Variants in TOX3 observed in about 807,000 individuals in gnomAD.
The protein encoded by TOX3 is CAG trinucleotide repeat-containing gene F9 protein.
In TOX3, 22 loss-of-function variants were observed where a neutral mutation model predicts 64.3. That is an observed-to-expected ratio of 0.34 (90% CI 0.24 to 0.49). TOX3 has a LOEUF of 0.49. TOX3 is among the 20% of genes least tolerant of loss of function. The pLI, the probability that TOX3 is intolerant of heterozygous loss-of-function variation, is 0.99. For missense variants in TOX3, 661 were observed against 714.4 expected (o/e 0.93, Z 0.85); for synonymous variants, 291 against 273.6 (o/e 1.06, Z -0.63).
At chr16:52,540,165 C>T (rs997447055) in intron 1 of TOX3, among the ~76,000 whole-genome samples, 2 of 151,856 alleles carry the variant, frequency 1.3e-5, no homozygotes, top group Non-Finnish European at 2.9e-5. Context: ...GGATCACTGG[C>T]GGCCAAGAGT....
intron 5 of TOX3, 156 bp downstream of exon 5, chr16:52,445,838 G>T (rs1960146097): frequency 4.2e-6 from 3 of 706,564 alleles, no homozygotes; most frequent in Non-Finnish European, 4.6e-6. Context: ...GAGTTGTTTA[G>T]ATTTATATGT....
chr16:52,461,896 T>C (rs1009363535), intron 3 of TOX3, among the ~76,000 whole-genome samples: 2 of 152,116 alleles, frequency 1.3e-5, no homozygotes, highest in Non-Finnish European at 2.9e-5. Context: ...CCTCTGGCGA[T>C]TCTGAATTCA....
chr16:52,542,732 G>A (rs756959511), intron 1 of TOX3, among the ~76,000 whole-genome samples: 4 of 152,080 alleles, frequency 2.6e-5, no homozygotes, highest in South Asian at 4.1e-4. Flanking sequence ...AATATCTTAC[G>A]TGAAGACCTG....
At chr16:52,445,810 G>T in intron 5 of TOX3, 184 bp downstream of exon 5, 1 of 615,168 alleles carries the variant, frequency 1.6e-6, no homozygotes, top group Non-Finnish European at 2.8e-6. Flanking sequence ...AGCTGACAGA[G>T]AAATCAATAT....
chr16:52,468,691 A>G, intron 1 of TOX3, 117 bp from the exon 2 acceptor site: 1 of 740,956 alleles, frequency 1.3e-6, no homozygotes, highest in South Asian at 1.8e-5. Flanking sequence ...CCCAAATGCA[A>G]AACATGACAA....
rs1596761831 is a variant in TOX3 at position 52,436,637 on chromosome 16, C to T, written c.*2588G>A. On this transcript the variant is annotated 3_prime_UTR_variant, in exon 7 of 7. Transcript: ENST00000219746. ...TTGACATTTTAAATATGTAGTTTTG[C>T]CTGGTGATTAATTTTATAAACTGTA... is the stretch of plus-strand genomic sequence containing the variant. The T allele has an allele frequency of 6.6e-6, 1 of 152,184 alleles. No individual in the cohort carries two copies. The highest frequency in any genetic ancestry group is 1.5e-5 in the Non-Finnish European group (1 of 68,010). The allele number at this position is 152,184 out of a possible 1,614,324, so 9.4% of individuals were successfully genotyped here.
chr16:52,490,626 A>ATTTTTT (rs3086679), intron 1 of TOX3, among the ~76,000 whole-genome samples: 1,085 of 99,002 alleles, frequency 0.011, 83 homozygotes, highest in African/African-American at 0.036. Flanking sequence ...CTAGGATGTA[A>ATTTTTT]TTTTTTTTTT....
intron 1 of TOX3, among the ~76,000 whole-genome samples, chr16:52,529,214 A>G (rs902443304): frequency 1.3e-5 from 2 of 152,254 alleles, no homozygotes; most frequent in African/African-American, 4.8e-5. Flanking sequence ...AGTAGATTCT[A>G]TAATTCTAGG....
intron 3 of TOX3, among the ~76,000 whole-genome samples, chr16:52,454,145 G>A (rs1292609274): frequency 3.3e-5 from 5 of 151,876 alleles, no homozygotes; most frequent in African/African-American, 1.2e-4. Flanking sequence ...AGATGAATAA[G>A]ACTCTGGGAT....
intron 1 of TOX3, among the ~76,000 whole-genome samples, chr16:52,492,989 C>T (rs1257321033): frequency 6.6e-6 from 1 of 151,974 alleles, no homozygotes; most frequent in African/African-American, 2.4e-5. Context: ...GGGTTTTTCC[C>T]TTTATACTTA....
At chr16:52,470,161 T>C (rs1003988192) in intron 1 of TOX3, among the ~76,000 whole-genome samples, 4 of 152,236 alleles carry the variant, frequency 2.6e-5, no homozygotes, top group African/African-American at 4.8e-5. Context: ...TTTTCTACAA[T>C]GTTAAATACA....
At chr16:52,537,043 C>T (rs1275977691) in intron 1 of TOX3, among the ~76,000 whole-genome samples, 1 of 151,974 alleles carries the variant, frequency 6.6e-6, no homozygotes, top group Non-Finnish European at 1.5e-5. Flanking sequence ...CCACCCAATC[C>T]ATCATTCAAT....
Position 52,504,723 on chromosome 16 carries a change from G to A in TOX3, c.88-36149C>T, listed in dbSNP as rs774028661. 1.2e-3 allele frequency among the ~76,000 whole-genome samples: 177 copies of A among 152,158 alleles called. 2 individuals are homozygous for A. The highest frequency in any genetic ancestry group is 3.7e-4 in the Non-Finnish European group (25 of 68,024). On this transcript the variant is annotated intron_variant, in intron 1 of 6. Coordinates refer to ENST00000219746, the MANE Select transcript of TOX3 (RefSeq NM_001080430.4). ...AGGATCAATGAGACAGAAAGGCAAGGCAAGGCAAGGCAAGGGACTCGATCT... is the reference window on the plus strand; with the variant it reads ...AGGATCAATGAGACAGAAAGGCAAGACAAGGCAAGGCAAGGGACTCGATCT...
At chr16:52,477,113 C>T (rs1054546239) in intron 1 of TOX3, among the ~76,000 whole-genome samples, 1 of 152,076 alleles carries the variant, frequency 6.6e-6, no homozygotes, top group South Asian at 2.1e-4. Flanking sequence ...AGGAACAAGT[C>T]TTTAACCAAG....
chr16:52,522,623 G>A (rs1355969695), intron 1 of TOX3, among the ~76,000 whole-genome samples: 1 of 152,104 alleles, frequency 6.6e-6, no homozygotes, highest in African/African-American at 2.4e-5. Context: ...CTGTGTGCAG[G>A]ACAGGGTGAC....
At chr16:52,523,740 C>A (rs553680563) in intron 1 of TOX3, among the ~76,000 whole-genome samples, 10 of 151,476 alleles carry the variant, frequency 6.6e-5, no homozygotes, top group African/African-American at 2.2e-4. Context: ...CTTTTTTTTT[C>A]AGTTCATGAA....
Position 52,547,052 on chromosome 16 carries a change from G to T in TOX3, c.-329C>A, listed in dbSNP as rs1316956200. ...GGGTCGGCGAGGCGAGTTCAGGTGC[G>T]CTGGGCGAGGCTGGGACGGCGGCGG... On this transcript the variant is annotated 5_prime_UTR_variant, in exon 1 of 7. Transcript: ENST00000219746. 1.6e-6 allele frequency: 1 copy of T among 627,800 alleles called. No homozygotes were observed. The highest frequency in any genetic ancestry group is 2.0e-6 in the Non-Finnish European group (1 of 505,564). 38.9% of individuals were successfully genotyped at this position (627,800 alleles called of 1,614,324 possible).
At chr16:52,446,982 T>C in intron 4 of TOX3, among the ~76,000 whole-genome samples, 1 of 152,218 alleles carries the variant, frequency 6.6e-6, no homozygotes, top group South Asian at 2.1e-4. Flanking sequence ...TTGTTATTTA[T>C]GGCAAGTAAC....
At chr16:52,461,751 A>G (rs2151754106) in intron 3 of TOX3, among the ~76,000 whole-genome samples, 1 of 152,220 alleles carries the variant, frequency 6.6e-6, no homozygotes. Context: ...ATAAAGTATT[A>G]TTTATTATTT....
Sources: gnomAD v4.1 joint callset for allele counts (sites outside exome capture counted in the v4.1 genomes callset) on GRCh38, gnomAD v4.1.1 for gene constraint, MANE v1.5 for transcripts, NCBI Gene and HGNC (gene_info 2026-07-23, HGNC 2026-07-21) for gene names.